The following FRMD4A variants were observed in gnomAD, a reference collection of about 807,000 sequenced individuals.
FRMD4A encodes FERM domain containing 4A, also known as FERM domain-containing protein 4A.
In FRMD4A, 29 loss-of-function variants were observed where a neutral mutation model predicts 129.1. The ratio of observed to expected loss-of-function variants is 0.22; its 90% confidence interval spans 0.17 to 0.31. FRMD4A has a LOEUF of 0.31. FRMD4A is among the 10% of genes least tolerant of loss of function. The pLI, the probability that FRMD4A is intolerant of heterozygous loss-of-function variation, is 1.00. For synonymous variants in FRMD4A, 634 were observed against 571.6 expected, an observed-to-expected ratio of 1.11 and a Z score of -1.56; for missense variants, 1,272 against 1,375.8, an observed-to-expected ratio of 0.92 and a Z score of 1.19.
intron 21 of FRMD4A, among the ~76,000 whole-genome samples, chr10:13,657,774 G>T (rs957316823): frequency 2.8e-5 from 4 of 140,860 alleles, no homozygotes; most frequent in South Asian, 2.2e-4. Context: ...TCACAGAAAG[G>T]TTTCGATTTC....
rs1350386794 is a variant in FRMD4A, at chr10:13,666,312, T to G, written c.1388A>C (p.Glu463Ala). ...ILPKGEEAEL[E>A]RLEREFAIQS... ...AATGGCAAACTCTCGTTCCAGGCGT[T>G]CCAGCTCAGCTTCCTGTGGGAGGGA... is the stretch of plus-strand genomic sequence containing the variant. The change falls in exon 18 of 25, where the codon GAA (glutamate) becomes GCA (alanine). Residue 463 changes from glutamate (E) to alanine (A), a missense_variant. Coordinates refer to ENST00000357447, the MANE Select transcript of FRMD4A (RefSeq NM_018027.5). 6.2e-7 allele frequency: 1 copy of G among 1,613,432 alleles called. No homozygotes were observed. Among genetic ancestry groups the G allele is most frequent in the African/African-American group, 1.3e-5 (1 of 74,896 alleles).
At chr10:13,803,089 C>T (rs2130850813) in intron 4 of FRMD4A, among the ~76,000 whole-genome samples, 1 of 144,038 alleles carries the variant, frequency 6.9e-6, no homozygotes, top group African/African-American at 2.6e-5. Flanking sequence ...ACAGAGTTTG[C>T]AGTGAGCCGA....
intron 11 of FRMD4A, among the ~76,000 whole-genome samples, chr10:13,738,889 G>A (rs1191644875): frequency 6.6e-6 from 1 of 152,180 alleles, no homozygotes; most frequent in African/African-American, 2.4e-5. Context: ...CCAAAGTGCT[G>A]GGATTACAGT....
chr10:14,185,596 C>G (rs972951714), intron 2 of FRMD4A, among the ~76,000 whole-genome samples: 5 of 148,228 alleles, frequency 3.4e-5, no homozygotes, highest in African/African-American at 9.9e-5. Context: ...GAAAGAGAAA[C>G]AGGTAGAGAG....
intron 2 of FRMD4A, among the ~76,000 whole-genome samples, chr10:13,860,410 G>C (rs1034309897): frequency 1.3e-5 from 2 of 152,180 alleles, no homozygotes; most frequent in African/African-American, 2.4e-5. Context: ...TGAAAATGTA[G>C]CAATTGGCTC....
At chr10:14,211,233 A>G (rs1224958295) in intron 2 of FRMD4A, among the ~76,000 whole-genome samples, 1 of 152,200 alleles carries the variant, frequency 6.6e-6, no homozygotes, top group East Asian at 1.9e-4. Context: ...TATTCTAAGC[A>G]TGTCAATCAC....
At chr10:14,297,814 GA>G (rs1338413497) in intron 2 of FRMD4A, among the ~76,000 whole-genome samples, 2 of 152,206 alleles carry the variant, frequency 1.3e-5, no homozygotes, top group African/African-American at 4.8e-5. Context: ...CAAGGAGGCA[GA>G]GCCTTATGGT....
chr10:13,732,834 G>A (rs1197321185), intron 12 of FRMD4A, among the ~76,000 whole-genome samples: 1 of 152,228 alleles, frequency 6.6e-6, no homozygotes, highest in East Asian at 1.9e-4. Context: ...GGACACTGCT[G>A]GCCACACTAG....
intron 3 of FRMD4A, among the ~76,000 whole-genome samples, chr10:13,850,294 T>C (rs902759151): frequency 1.3e-5 from 2 of 152,206 alleles, no homozygotes; most frequent in African/African-American, 4.8e-5. Flanking sequence ...CATTTTTTTT[T>C]CTAGCCCATA....
chr10:14,284,699 A>T (rs1845627800), intron 2 of FRMD4A, among the ~76,000 whole-genome samples: 1 of 152,166 alleles, frequency 6.6e-6, no homozygotes, highest in South Asian at 2.1e-4. Context: ...ATTAATAAGG[A>T]TCTCTCAGCA....
At chr10:13,951,992 A>C (rs2095375060) in intron 2 of FRMD4A, among the ~76,000 whole-genome samples, 1 of 150,082 alleles carries the variant, frequency 6.7e-6, no homozygotes, top group Non-Finnish European at 1.5e-5. Context: ...TGCTTTTTCA[A>C]GTTTTGGAGT....
At chr10:13,928,929 T>C (rs1272400792) in intron 2 of FRMD4A, among the ~76,000 whole-genome samples, 1 of 152,222 alleles carries the variant, frequency 6.6e-6, no homozygotes, top group Admixed American at 6.5e-5. Flanking sequence ...CACATGGAAT[T>C]CTCAGTTTAA....
Position 13,704,629 on chromosome 10 carries a change from G to T in FRMD4A, c.836+2408C>A, listed in dbSNP as rs145536866. Among the ~76,000 whole-genome samples, 515 of 152,208 alleles carry T rather than the reference G, an allele frequency of 3.4e-3. 1 individual carries two copies. The highest frequency in any genetic ancestry group is 0.011 in the African/African-American group (467 of 41,522). ...CTGTCCTTCACCCTTCATGGCCCAC[G>T]ACGTCTGGCCCTTCTGTACAGTATA... On this transcript the variant is annotated intron_variant, in intron 13 of 24. Coordinates refer to ENST00000357447, the MANE Select transcript of FRMD4A (RefSeq NM_018027.5).
At chr10:14,135,469 A>G (rs535032855) in intron 2 of FRMD4A, among the ~76,000 whole-genome samples, 5 of 152,260 alleles carry the variant, frequency 3.3e-5, no homozygotes, top group South Asian at 4.1e-4. Context: ...ATCTTCTTCC[A>G]CCATGTGGCT....
At chr10:13,792,506 A>G (rs2093025388) in intron 5 of FRMD4A, among the ~76,000 whole-genome samples, 1 of 152,068 alleles carries the variant, frequency 6.6e-6, no homozygotes, top group Non-Finnish European at 1.5e-5. Flanking sequence ...AACAGATGAG[A>G]CCTCATCTCG....
intron 2 of FRMD4A, among the ~76,000 whole-genome samples, chr10:14,204,255 C>T (rs1179860933): frequency 3.3e-5 from 5 of 151,960 alleles, no homozygotes; most frequent in Admixed American, 1.3e-4. Context: ...TGGCAAAACC[C>T]TGTCTTTATA....
At chr10:13,985,172 G>A (rs936579441) in intron 2 of FRMD4A, among the ~76,000 whole-genome samples, 6 of 152,204 alleles carry the variant, frequency 3.9e-5, no homozygotes, top group African/African-American at 1.4e-4. Flanking sequence ...TTCGCATTCC[G>A]GGCTGGAGTG....
intron 12 of FRMD4A, among the ~76,000 whole-genome samples, chr10:13,713,946 A>ATATAT (rs2088373272): frequency 8.0e-6 from 1 of 124,688 alleles, no homozygotes; most frequent in Non-Finnish European, 1.7e-5. Flanking sequence ...ACATATATGT[A>ATATAT]ATACACACAC....
chr10:14,055,458 CACAA>C (rs766352275), intron 2 of FRMD4A, among the ~76,000 whole-genome samples: 538 of 14,270 alleles, frequency 0.038, no homozygotes, highest in Middle Eastern at 0.071. Context: ...CACACACACA[CACAA>C]ACACACACAC....
Sources: gnomAD v4.1 joint callset for allele counts (sites outside exome capture counted in the v4.1 genomes callset) on GRCh38, gnomAD v4.1.1 for gene constraint, MANE v1.5 for transcripts, NCBI Gene and HGNC (gene_info 2026-07-23, HGNC 2026-07-21) for gene names.